TBC1D19: variants seen among roughly 807,000 people sequenced by gnomAD.
TBC1D19 encodes TBC1 domain family, member 19.
TBC1D19 carries 60 observed loss-of-function variants against 89.0 expected under a neutral mutation model. That is an observed-to-expected ratio of 0.67 (90% CI 0.55 to 0.84). The LOEUF (loss-of-function observed/expected upper bound fraction) is 0.84. Among genes scored for constraint, TBC1D19 ranks in the 40% least tolerant of loss-of-function variants. The probability of loss-of-function intolerance (pLI) is 0.00; values close to 1 mark genes in which losing one functional copy is unlikely to be tolerated. For synonymous variants in TBC1D19, 189 were observed against 199.7 expected (o/e 0.95, Z 0.45); for missense variants, 500 against 610.8 (o/e 0.82, Z 1.91).
At chr4:26,750,224 T>C (rs1718874759) in intron 19 of TBC1D19, among the ~76,000 whole-genome samples, 1 of 152,240 alleles carries the variant, frequency 6.6e-6, no homozygotes, top group Non-Finnish European at 1.5e-5. Flanking sequence ...AGCCTTGTTT[T>C]CTACTGTCAT....
At chr4:26,747,396 G>T (rs1718710240) in intron 18 of TBC1D19, among the ~76,000 whole-genome samples, 4 of 152,098 alleles carry the variant, frequency 2.6e-5, no homozygotes, top group Admixed American at 2.6e-4. Flanking sequence ...CACCCAAAAA[G>T]CTTAGTCAAT....
chr4:26,586,531 A>G (rs1174927265), intron 1 of TBC1D19, among the ~76,000 whole-genome samples: 1 of 152,142 alleles, frequency 6.6e-6, no homozygotes, highest in Non-Finnish European at 1.5e-5. Flanking sequence ...GATTATGTTG[A>G]ATCTGTAGAT....
the TBC1D19 span, among the ~76,000 whole-genome samples, chr4:26,780,121 A>G: frequency 6.6e-6 from 1 of 152,188 alleles, no homozygotes; most frequent in African/African-American, 2.4e-5. Context: ...AAACTAATTC[A>G]CTTTGTCTAG....
chr4:26,738,095 C>A (rs1485977186), intron 16 of TBC1D19, among the ~76,000 whole-genome samples: 1 of 151,630 alleles, frequency 6.6e-6, no homozygotes, highest in African/African-American at 2.4e-5. Context: ...AAAATTAAGT[C>A]ATGTAGAATC....
At chr4:26,836,188 G>A in the TBC1D19 span, among the ~76,000 whole-genome samples, 5 of 152,148 alleles carry the variant, frequency 3.3e-5, no homozygotes, top group African/African-American at 1.2e-4. Context: ...TGCTCATCAA[G>A]CTACATTGTA....
rs78949194 is a variant in TBC1D19 at position 26,756,100 on chromosome 4, T to G, written c.*1153T>G. Among the ~76,000 whole-genome samples the G allele has an allele frequency of 2.0e-3, 303 of 152,358 alleles. No homozygotes were observed. The highest frequency in any genetic ancestry group is 6.8e-3 in the African/African-American group (281 of 41,586). On this transcript the variant is annotated 3_prime_UTR_variant, in exon 21 of 21. Transcript: ENST00000264866. ...TTATTCAGTTTTACCCAAATGTATT[T>G]TATGAGTCTTTTATTTTGGCAGTAT... is the stretch of plus-strand genomic sequence containing the variant.
chr4:26,824,472 AAAAC>A, the TBC1D19 span, among the ~76,000 whole-genome samples: 2 of 152,250 alleles, frequency 1.3e-5, no homozygotes, highest in African/African-American at 2.4e-5. Context: ...GAAAATCCAG[AAAAC>A]AAACAAACAA....
intron 13 of TBC1D19, among the ~76,000 whole-genome samples, chr4:26,697,018 C>T (rs1333079446): frequency 1.3e-5 from 2 of 151,996 alleles, no homozygotes; most frequent in Non-Finnish European, 1.5e-5. Flanking sequence ...CAGAGAAGAA[C>T]TGAAGGAGAT....
intron 10 of TBC1D19, among the ~76,000 whole-genome samples, chr4:26,673,446 T>TATATATATATATATACACACACAC (rs373807642): frequency 4.8e-4 from 44 of 90,856 alleles, no homozygotes; most frequent in Middle Eastern, 6.7e-3. Context: ...TATATATATA[T>TATATATATATATATACACACACAC]ACACACACAC....
At chr4:26,814,512 C>T in the TBC1D19 span, among the ~76,000 whole-genome samples, 1 of 152,264 alleles carries the variant, frequency 6.6e-6, no homozygotes, top group East Asian at 1.9e-4. Context: ...AAGGAAGGTC[C>T]TCTCTTCTTT....
intron 7 of TBC1D19, among the ~76,000 whole-genome samples, chr4:26,651,583 A>G (rs1398689972): frequency 1.3e-5 from 2 of 152,180 alleles, no homozygotes; most frequent in Admixed American, 6.5e-5. Context: ...CCTTTGCTGA[A>G]GTTGCTTATC....
intron 18 of TBC1D19, among the ~76,000 whole-genome samples, chr4:26,747,950 A>G (rs577744468): frequency 4.6e-5 from 7 of 152,166 alleles, no homozygotes; most frequent in African/African-American, 1.7e-4. Context: ...ATTTTATTTT[A>G]TTCATCCTAT....
chr4:26,828,012 A>G, the TBC1D19 span, among the ~76,000 whole-genome samples: 1 of 152,212 alleles, frequency 6.6e-6, no homozygotes, highest in Non-Finnish European at 1.5e-5. Context: ...CTATGGGGTT[A>G]AAGGGTAGAT....
At chr4:26,801,318 A>G in the TBC1D19 span, among the ~76,000 whole-genome samples, 1 of 152,014 alleles carries the variant, frequency 6.6e-6, no homozygotes, top group Non-Finnish European at 1.5e-5. Context: ...AGATAGTTGT[A>G]GATATGCGGC....
chr4:26,826,071 A>G, the TBC1D19 span, among the ~76,000 whole-genome samples: 2 of 152,166 alleles, frequency 1.3e-5, no homozygotes, highest in African/African-American at 4.8e-5. Flanking sequence ...GCTTGGTGGC[A>G]TGCACCTGTA....
intron 1 of TBC1D19, chr4:26,585,299 C>A: frequency 3.1e-6 from 1 of 320,006 alleles, no homozygotes; most frequent in Non-Finnish European, 6.2e-6. Context: ...TCCTTGATAG[C>A]GCTTGATGCT....
chr4:26,632,381 A>G (rs951272546), intron 4 of TBC1D19, among the ~76,000 whole-genome samples: 1 of 151,278 alleles, frequency 6.6e-6, no homozygotes, highest in African/African-American at 2.4e-5. Flanking sequence ...ATTATATACT[A>G]TATTCTTATA....
intron 17 of TBC1D19, 103 bp downstream of exon 17, chr4:26,740,076 T>G (rs1404598181): frequency 3.2e-6 from 2 of 625,834 alleles, no homozygotes; most frequent in East Asian, 6.3e-5. Flanking sequence ...GCAACAAATT[T>G]TAATTTGTGA....
chr4:26,636,175 G>A (rs1743108481), intron 4 of TBC1D19, among the ~76,000 whole-genome samples: 1 of 151,738 alleles, frequency 6.6e-6, no homozygotes, highest in South Asian at 2.1e-4. Flanking sequence ...TTCCTTATTA[G>A]GTCTGAATTT....
Sources: allele counts gnomAD v4.1 joint callset (sites outside exome capture counted in the v4.1 genomes callset), GRCh38; gene constraint gnomAD v4.1.1; transcripts MANE v1.5; gene names NCBI Gene and HGNC (gene_info 2026-07-23, HGNC 2026-07-21).